ADARB2: variants seen among roughly 807,000 people sequenced by gnomAD.
The protein encoded by ADARB2 is adenosine deaminase RNA specific B2 (inactive).
Under a neutral mutation model 62.2 loss-of-function variants are expected in ADARB2, and 25 were observed. The ratio of observed to expected loss-of-function variants is 0.40; its 90% CI spans 0.29 to 0.56. The LOEUF (loss-of-function observed/expected upper bound fraction) is 0.56. Ranked by LOEUF, ADARB2 falls within the 20% of genes least tolerant of loss-of-function variation. ADARB2 has a pLI of 0.43. For synonymous variants in ADARB2, 572 were observed against 500.8 expected (o/e 1.14, Z -1.90); for missense variants, 1,071 against 1,077.4 (o/e 0.99, Z 0.08).
At chr10:1,527,956 C>A (rs530560038) in intron 1 of ADARB2, among the ~76,000 whole-genome samples, 2 of 152,272 alleles carry the variant, frequency 1.3e-5, no homozygotes, top group Non-Finnish European at 2.9e-5. Context: ...TTGAACTGAA[C>A]GTTATAAAAA....
intron 1 of ADARB2, among the ~76,000 whole-genome samples, chr10:1,644,844 A>G (rs1208205924): frequency 6.6e-6 from 1 of 152,182 alleles, no homozygotes; most frequent in East Asian, 1.9e-4. Flanking sequence ...TAATGTTTAA[A>G]TTTATGACTC....
At chr10:1,493,729 C>CTTTTTT (rs555812632) in intron 1 of ADARB2, among the ~76,000 whole-genome samples, 4 of 56,812 alleles carry the variant, frequency 7.0e-5, no homozygotes, top group Non-Finnish European at 9.2e-5. Context: ...ATATGGCATT[C>CTTTTTT]TTTTTTTTTT....
At chr10:1,723,971 G>A (rs931552811) in intron 1 of ADARB2, among the ~76,000 whole-genome samples, 3 of 152,130 alleles carry the variant, frequency 2.0e-5, no homozygotes, top group Admixed American at 6.5e-5. Context: ...TACCCTAACC[G>A]TAAGCTTTAG....
chr10:1,687,316 A>C (rs1834609843), intron 1 of ADARB2, among the ~76,000 whole-genome samples: 1 of 152,162 alleles, frequency 6.6e-6, no homozygotes, highest in Admixed American at 6.5e-5. Flanking sequence ...GTGAGCCACC[A>C]CGCCCAGGCG....
At chr10:1,526,685 G>A (rs957692486) in intron 1 of ADARB2, 2 of 275,294 alleles carry the variant, frequency 7.3e-6, no homozygotes, top group Non-Finnish European at 1.6e-5. Context: ...AGCCTGCAGA[G>A]CCATGGCTGC....
rs115345538 is a variant in ADARB2 at position 1,663,554 on chromosome 10, G to A, written c.100+73497C>T. Among the ~76,000 whole-genome samples, 518 of 152,158 alleles carry A rather than the reference G, an allele frequency of 3.4e-3. 4 individuals carry two copies. Among genetic ancestry groups the A allele is most frequent in the African/African-American group, 0.012 (487 of 41,494 alleles). Reference sequence around the variant, plus strand: ...CACATAGTTTGTAACCTTTGCAGATGGGCTTCTTTCACTTAATAATGTGCA... The same window carrying A: ...CACATAGTTTGTAACCTTTGCAGATAGGCTTCTTTCACTTAATAATGTGCA... On this transcript the variant is annotated intron_variant, in intron 1 of 9. Transcript: ENST00000381312.
chr10:1,630,361 G>C (rs565137556), intron 1 of ADARB2, among the ~76,000 whole-genome samples: 1 of 152,140 alleles, frequency 6.6e-6, no homozygotes. Flanking sequence ...GGGCATAAAG[G>C]GGTGGGGAGG....
chr10:1,649,620 C>A (rs1487967740), intron 1 of ADARB2, among the ~76,000 whole-genome samples: 1 of 152,212 alleles, frequency 6.6e-6, no homozygotes, highest in Non-Finnish European at 1.5e-5. Flanking sequence ...CCAGAAATGA[C>A]CCTATAACCT....
intron 4 of ADARB2, among the ~76,000 whole-genome samples, chr10:1,260,724 T>G (rs1247980554): frequency 6.9e-6 from 1 of 145,822 alleles, no homozygotes. Flanking sequence ...ATGGCCATAC[T>G]GCCCAAGGTA....
chr10:1,267,509 C>T (rs1831216778), intron 4 of ADARB2, among the ~76,000 whole-genome samples: 1 of 152,172 alleles, frequency 6.6e-6, no homozygotes, highest in South Asian at 2.1e-4. Flanking sequence ...TGGGCCTGGC[C>T]TGGGAGTTCT....
chr10:1,529,182 C>T (rs71500116), intron 1 of ADARB2, among the ~76,000 whole-genome samples: 2,376 of 78,186 alleles, frequency 0.03, 89 homozygotes, highest in East Asian at 0.21. Flanking sequence ...AATCAGTCCA[C>T]GCACCATGCC....
chr10:1,564,783 C>T (rs2813367), intron 1 of ADARB2, among the ~76,000 whole-genome samples: 1,054 of 23,824 alleles, frequency 0.044, 7 homozygotes, highest in South Asian at 0.2. Flanking sequence ...ACTTTTATTA[C>T]CTTTTTTTTT....
At chr10:1,615,813 CAGTCCCT>C (rs1833624273) in intron 1 of ADARB2, among the ~76,000 whole-genome samples, 6 of 152,270 alleles carry the variant, frequency 3.9e-5, no homozygotes, top group African/African-American at 1.2e-4. Context: ...CTGAATACCA[CAGTCCCT>C]CCCTTCGGAA....
At chr10:1,241,643 C>T (rs1274922178) in intron 5 of ADARB2, among the ~76,000 whole-genome samples, 1 of 152,232 alleles carries the variant, frequency 6.6e-6, no homozygotes, top group Non-Finnish European at 1.5e-5. Context: ...ATGGCCAGAG[C>T]AGGCCAGGGA....
At chr10:1,706,746 A>G (rs1257158195) in intron 1 of ADARB2, among the ~76,000 whole-genome samples, 1 of 152,158 alleles carries the variant, frequency 6.6e-6, no homozygotes, top group Non-Finnish European at 1.5e-5. Context: ...CAAAAATCTT[A>G]CTCCATTAAA....
Position 1,363,335 on chromosome 10 carries a change from A to G in ADARB2, c.770T>C (p.Leu257Pro). The change falls in exon 3 of 10, where the codon CTG (leucine) becomes CCG (proline). Residue 257 changes from leucine (L) to proline (P), a missense_variant. Transcript: ENST00000381312. ...LSAAYGRRRL[L>P]CRALDLVGPT... ...GCCCACCAGGTCCAGCGCGCGGCAC[A>G]GCAGCCGCCGTCGCCCGTAGGCCGC... 1 of 1,247,030 alleles carries G rather than the reference A, an allele frequency of 8.0e-7. No individual in the cohort carries two copies. The highest frequency in any genetic ancestry group is 1.6e-5 in the African/African-American group (1 of 63,228). 77.2% of individuals were successfully genotyped at this position (1,247,030 alleles called of 1,614,324 possible).
At chr10:1,339,946 G>C (rs1167809393) in intron 3 of ADARB2, among the ~76,000 whole-genome samples, 4 of 152,070 alleles carry the variant, frequency 2.6e-5, no homozygotes, top group African/African-American at 9.7e-5. Context: ...GAGGGGCAGG[G>C]GTGGGCTCAC....
At chr10:1,574,481 C>A (rs1011877408) in intron 1 of ADARB2, among the ~76,000 whole-genome samples, 2 of 152,048 alleles carry the variant, frequency 1.3e-5, no homozygotes, top group African/African-American at 4.8e-5. Flanking sequence ...AACAGACACT[C>A]CTGTTCCCAG....
At chr10:1,405,201 G>T (rs1244800467) in intron 1 of ADARB2, among the ~76,000 whole-genome samples, 6 of 152,216 alleles carry the variant, frequency 3.9e-5, no homozygotes, top group East Asian at 1.9e-4. Context: ...GTGCTAAGGA[G>T]AATTCACATT....
Sources: gnomAD v4.1 joint callset for allele counts (sites outside exome capture counted in the v4.1 genomes callset) on GRCh38, gnomAD v4.1.1 for gene constraint, MANE v1.5 for transcripts, NCBI Gene and HGNC (gene_info 2026-07-23, HGNC 2026-07-21) for gene names.